The following FBXL7 variants were observed in gnomAD, a reference collection of about 807,000 sequenced individuals.
FBXL7 encodes the protein F-box and leucine rich repeat protein 7.
In FBXL7, 12 loss-of-function variants were observed where a neutral mutation model predicts 38.3. The observed-to-expected ratio is 0.31, with a 90% CI of 0.20 to 0.51. The LOEUF (loss-of-function observed/expected upper bound fraction) is 0.51. Among genes scored for constraint, FBXL7 ranks in the 20% least tolerant of loss-of-function variants. The probability of loss-of-function intolerance (pLI) is 0.98; values close to 1 mark genes in which losing one functional copy is unlikely to be tolerated. For missense variants in FBXL7, 567 were observed against 676.4 expected (o/e 0.84, Z 1.79); for synonymous variants, 297 against 300.9 (o/e 0.99, Z 0.13).
intron 2 of FBXL7, among the ~76,000 whole-genome samples, 188 bp from the exon 3 acceptor site, chr5:15,927,702 G>T (rs1325105593): frequency 1.4e-5 from 2 of 148,024 alleles, no homozygotes; most frequent in Non-Finnish European, 3.0e-5. Flanking sequence ...TTGAACCCAG[G>T]AGGCGGAGGT....
At chr5:15,610,396 G>A (rs775936925) in intron 1 of FBXL7, among the ~76,000 whole-genome samples, 11 of 152,120 alleles carry the variant, frequency 7.2e-5, no homozygotes, top group Non-Finnish European at 1.5e-4. Flanking sequence ...TGGACTTTCC[G>A]TATGTACAAC....
chr5:15,921,048 A>C (rs1287000873), intron 2 of FBXL7, among the ~76,000 whole-genome samples: 1 of 152,166 alleles, frequency 6.6e-6, no homozygotes, highest in African/African-American at 2.4e-5. Context: ...AATTTTAATA[A>C]AATTTTACGA....
intron 2 of FBXL7, among the ~76,000 whole-genome samples, chr5:15,911,838 GGGGT>G (rs1187150989): frequency 1.9e-3 from 5 of 2,686 alleles, no homozygotes; most frequent in South Asian, 4.8e-3. Flanking sequence ...AGGCTGCTCG[GGGGT>G]CAGGGGTCAG....
intron 1 of FBXL7, among the ~76,000 whole-genome samples, chr5:15,591,804 G>A (rs1009810148): frequency 6.6e-6 from 1 of 152,028 alleles, no homozygotes. Flanking sequence ...TCCACCTCCC[G>A]GGTTCAAGCG....
At chr5:15,838,477 G>A (rs1483690513) in intron 2 of FBXL7, among the ~76,000 whole-genome samples, 1 of 152,066 alleles carries the variant, frequency 6.6e-6, no homozygotes, top group Non-Finnish European at 1.5e-5. Flanking sequence ...CATAACATTG[G>A]GGGTTAGGAT....
intron 2 of FBXL7, among the ~76,000 whole-genome samples, chr5:15,765,373 C>CT (rs1736558064): frequency 6.6e-6 from 1 of 152,132 alleles, no homozygotes; most frequent in African/African-American, 2.4e-5. Context: ...CAACCACACA[C>CT]TTTTGTCTGA....
chr5:15,755,031 G>C lies in FBXL7; in HGVS notation c.127+138959G>C, dbSNP rs558666446. 5.9e-5 allele frequency among the ~76,000 whole-genome samples: 9 copies of C among 152,252 alleles called. No homozygotes were observed. The South Asian group carries it at 1.9e-3, about 32-fold the overall frequency. On this transcript the variant is annotated intron_variant, in intron 2 of 3. Coordinates refer to ENST00000504595, the MANE Select transcript of FBXL7 (RefSeq NM_012304.5). ...TCTGATGGGAAAATAAAGGGGAATG[G>C]CTTGAGTTTATTTCTTCATATTTAG...
At chr5:15,614,907 C>T (rs1414111183) in intron 1 of FBXL7, among the ~76,000 whole-genome samples, 1 of 152,160 alleles carries the variant, frequency 6.6e-6, no homozygotes, top group Non-Finnish European at 1.5e-5. Context: ...TCAGGCCCAC[C>T]CAGAATAATA....
chr5:15,799,143 T>C (rs1388567708), intron 2 of FBXL7, among the ~76,000 whole-genome samples: 3 of 152,072 alleles, frequency 2.0e-5, no homozygotes, highest in African/African-American at 7.2e-5. Flanking sequence ...TCAGTGTAAT[T>C]GAGGAAACAG....
chr5:15,620,666 ACT>A (rs1561055570), intron 2 of FBXL7, among the ~76,000 whole-genome samples: 2 of 151,520 alleles, frequency 1.3e-5, no homozygotes, highest in African/African-American at 2.4e-5. Flanking sequence ...TGGCCCCAAA[ACT>A]CTCCTCAGAT....
intron 1 of FBXL7, among the ~76,000 whole-genome samples, chr5:15,564,547 A>G (rs1233571038): frequency 6.6e-6 from 1 of 152,116 alleles, no homozygotes; most frequent in African/African-American, 2.4e-5. Context: ...AATATTAGCA[A>G]TAGCAGGAAA....
chr5:15,807,748 T>C (rs1561134238), intron 2 of FBXL7, among the ~76,000 whole-genome samples: 1 of 152,090 alleles, frequency 6.6e-6, no homozygotes, highest in Non-Finnish European at 1.5e-5. Flanking sequence ...AAACATCATT[T>C]CCAGAAAGAG....
intron 2 of FBXL7, among the ~76,000 whole-genome samples, chr5:15,771,770 ATTTTT>A (rs35138853): frequency 2.6e-5 from 3 of 113,282 alleles, no homozygotes; most frequent in Admixed American, 9.4e-5. Flanking sequence ...GGATTAACAG[ATTTTT>A]TTTTTTTTTT....
intron 2 of FBXL7, among the ~76,000 whole-genome samples, chr5:15,770,813 A>G (rs1465786055): frequency 1.3e-5 from 2 of 152,142 alleles, no homozygotes; most frequent in African/African-American, 4.8e-5. Context: ...TTGGAATCTA[A>G]GCATGCCTGG....
At chr5:15,591,736 G>A (rs1201594306) in intron 1 of FBXL7, among the ~76,000 whole-genome samples, 1 of 151,936 alleles carries the variant, frequency 6.6e-6, no homozygotes, top group African/African-American at 2.4e-5. Flanking sequence ...TTTTGAGATG[G>A]AGTCTTGCTC....
At chr5:15,679,443 C>T (rs764958314) in intron 2 of FBXL7, among the ~76,000 whole-genome samples, 88 of 152,024 alleles carry the variant, frequency 5.8e-4, no homozygotes, top group Non-Finnish European at 9.1e-4. Flanking sequence ...TATGTTTTCT[C>T]AGTTTGTTTA....
At chr5:15,746,651 A>C (rs1205201245) in intron 2 of FBXL7, among the ~76,000 whole-genome samples, 5 of 152,118 alleles carry the variant, frequency 3.3e-5, no homozygotes, top group African/African-American at 1.2e-4. Flanking sequence ...ATTGGAGATC[A>C]GGTCTCAACG....
intron 2 of FBXL7, among the ~76,000 whole-genome samples, chr5:15,734,839 A>G (rs1675844862): frequency 3.3e-5 from 5 of 152,252 alleles, no homozygotes; most frequent in Admixed American, 3.3e-4. Flanking sequence ...AAAGAGAGAA[A>G]GCATGTCCAG....
At chr5:15,880,004 A>G (rs768493658) in intron 2 of FBXL7, among the ~76,000 whole-genome samples, 1 of 152,126 alleles carries the variant, frequency 6.6e-6, no homozygotes, top group Non-Finnish European at 1.5e-5. Flanking sequence ...GTCAATCACT[A>G]TCCCTCCAGA....
Sources: gnomAD v4.1 joint callset for allele counts (sites outside exome capture counted in the v4.1 genomes callset) on GRCh38, gnomAD v4.1.1 for gene constraint, MANE v1.5 for transcripts, NCBI Gene and HGNC (gene_info 2026-07-23, HGNC 2026-07-21) for gene names.